Variants in UBR1 observed in about 807,000 individuals in gnomAD.
UBR1 encodes the protein ubiquitin protein ligase E3 component n-recognin 1.
A neutral mutation model predicts 242.1 loss-of-function variants in UBR1; 102 were observed. The ratio of observed to expected loss-of-function variants is 0.42; its 90% CI spans 0.36 to 0.50. The LOEUF (loss-of-function observed/expected upper bound fraction) is 0.50, where lower values mean the gene tolerates loss of function less well. Ranked by LOEUF, UBR1 falls within the 20% of genes least tolerant of loss-of-function variation. The pLI, the probability that UBR1 is intolerant of heterozygous loss-of-function variation, is 0.01. For synonymous variants in UBR1, 675 were observed against 684.8 expected (o/e 0.99, Z 0.22); for missense variants, 1,772 against 2,101.8 (o/e 0.84, Z 3.07).
chr15:43,030,004 A>C lies in UBR1; in HGVS notation c.2319T>G (p.Ile773Met), dbSNP rs2033233542. Residue 773 changes from isoleucine to methionine, a missense_variant, in exon 21 of 47, where the codon ATT becomes ATG. This residue lies in a region of UBR1 where 73 missense variants were observed against 128.9 expected (regional missense o/e 0.57). Coordinates refer to ENST00000290650, the MANE Select transcript of UBR1 (RefSeq NM_174916.3). Reference protein sequence around the residue: ...TKEEVTMREIIHLLCIEPMPH... With the variant: ...TKEEVTMREIMHLLCIEPMPH... ...GCATGGGTTCAATGCAAAGCAAGTG[A>C]ATGATTTCTCTCATTGTGACCTCTT... 1 of 1,614,008 alleles carries C rather than the reference A, an allele frequency of 6.2e-7. No individual in the cohort carries two copies. The highest frequency in any genetic ancestry group is 8.5e-7 in the Non-Finnish European group (1 of 1,179,996).
intron 42 of UBR1, among the ~76,000 whole-genome samples, chr15:42,963,462 GT>G (rs1165097394): frequency 1.3e-5 from 2 of 152,044 alleles, no homozygotes; most frequent in East Asian, 3.8e-4. Flanking sequence ...AGGGTAAAAA[GT>G]TTTTCTGAAA....
intron 20 of UBR1, among the ~76,000 whole-genome samples, chr15:43,031,307 A>G (rs2033254478): frequency 6.6e-6 from 1 of 152,210 alleles, no homozygotes; most frequent in Admixed American, 6.5e-5. Context: ...GTAAAATAAC[A>G]GTAGGAAAAA....
intron 29 of UBR1, among the ~76,000 whole-genome samples, chr15:43,015,174 G>C (rs2033001226): frequency 6.6e-6 from 1 of 152,254 alleles, no homozygotes; most frequent in Non-Finnish European, 1.5e-5. Context: ...GGGCCATGAT[G>C]ATAATGGTGG....
rs771392101 is a variant in UBR1, at chr15:43,003,818, T to A, written c.3509+19A>T. ...ATGTTCCTAGTCTCTTTCAAGAACA[T>A]GTCAGAAGGACAACTTACTTCTGCC... On this transcript the variant is annotated intron_variant, in intron 31 of 46. Transcript: ENST00000290650. 1 of 1,613,150 alleles carries A rather than the reference T, an allele frequency of 6.2e-7. No homozygotes were observed. The highest frequency in any genetic ancestry group is 1.3e-5 in the African/African-American group (1 of 75,044).
At chr15:43,064,124 T>C (rs541711496) in intron 6 of UBR1, among the ~76,000 whole-genome samples, 203 of 152,364 alleles carry the variant, frequency 1.3e-3, no homozygotes, top group African/African-American at 4.8e-3. Context: ...TTCCTCAAAG[T>C]GCTTTAATAA....
At chr15:42,952,129 T>C (rs1203918995) in intron 45 of UBR1, 149 bp downstream of exon 45, 1 of 995,956 alleles carries the variant, frequency 1.0e-6, no homozygotes, top group Non-Finnish European at 1.6e-6. Flanking sequence ...CAGTATCTTC[T>C]CAAATGCAAT....
chr15:42,992,330 T>C (rs2032568748), intron 33 of UBR1, among the ~76,000 whole-genome samples: 1 of 152,234 alleles, frequency 6.6e-6, no homozygotes, highest in Non-Finnish European at 1.5e-5. Context: ...GTATGTCAAG[T>C]AATTCTGGAT....
chr15:43,085,045 C>G (rs2034017841), intron 2 of UBR1, among the ~76,000 whole-genome samples: 1 of 152,174 alleles, frequency 6.6e-6, no homozygotes, highest in Non-Finnish European at 1.5e-5. Context: ...TTTCAGTTTC[C>G]CTGCCGCTGG....
intron 1 of UBR1, among the ~76,000 whole-genome samples, chr15:43,097,482 G>A (rs948286599): frequency 3.9e-4 from 60 of 152,234 alleles, no homozygotes; most frequent in Non-Finnish European, 8.2e-4. Context: ...CTTCTCTCTA[G>A]CTATGAAAGC....
chr15:43,068,846 C>G (rs537368190), intron 5 of UBR1, among the ~76,000 whole-genome samples: 1 of 152,258 alleles, frequency 6.6e-6, no homozygotes, highest in East Asian at 1.9e-4. Context: ...CTCTTGAACT[C>G]CTGACCTCAG....
At chr15:42,956,239 A>G (rs892690446) in intron 44 of UBR1, among the ~76,000 whole-genome samples, 1 of 152,216 alleles carries the variant, frequency 6.6e-6, no homozygotes, top group African/African-American at 2.4e-5. Context: ...TTAAGGAGTG[A>G]TATCATAGAA....
chr15:42,988,943 C>A lies in UBR1; in HGVS notation c.3873G>T (p.Lys1291Asn), dbSNP rs149097306. The A allele has an allele frequency of 1.8e-5, 29 of 1,605,016 alleles. No homozygotes were observed. The highest frequency in any genetic ancestry group is 1.3e-5 in the Non-Finnish European group (15 of 1,171,912). Reference protein sequence around the residue: ...ESSIKYSNSIKEMVILFATTI... With the variant: ...ESSIKYSNSINEMVILFATTI... ...TTGTGGCAAAGAGAATAACCATTTC[C>A]TTGATGCTATTTGAATATTTAATCC... Residue 1291 changes from lysine to asparagine, a missense_variant, in exon 35 of 47, where the codon AAG becomes AAT. Lys to Asn is a moderately conservative substitution (Grantham distance 94). This residue lies in a region of UBR1 where 965 missense variants were observed against 1,079.7 expected (regional missense o/e 0.89). Coordinates refer to ENST00000290650, the MANE Select transcript of UBR1 (RefSeq NM_174916.3).
chr15:43,041,663 C>A (rs988686361), intron 15 of UBR1, among the ~76,000 whole-genome samples: 1 of 151,898 alleles, frequency 6.6e-6, no homozygotes, highest in Non-Finnish European at 1.5e-5. Flanking sequence ...AAAGCACAGG[C>A]AACAAAAGAA....
At chr15:43,010,157 C>A (rs2032898474) in intron 29 of UBR1, among the ~76,000 whole-genome samples, 1 of 152,204 alleles carries the variant, frequency 6.6e-6, no homozygotes, top group African/African-American at 2.4e-5. Flanking sequence ...CAGGCGTAAG[C>A]CACTGCGCCC....
intron 29 of UBR1, 159 bp downstream of exon 29, chr15:43,015,529 T>G: frequency 2.6e-6 from 2 of 777,060 alleles, no homozygotes; most frequent in Non-Finnish European, 4.2e-6. Flanking sequence ...GTCCTCTGCC[T>G]AGGAAAACCA....
At chr15:43,052,205 C>T (rs1035949516) in intron 12 of UBR1, among the ~76,000 whole-genome samples, 2 of 152,044 alleles carry the variant, frequency 1.3e-5, no homozygotes, top group Non-Finnish European at 2.9e-5. Context: ...TAGAGAAGGA[C>T]AATGATTTAG....
rs1285512551 is a variant in UBR1 at position 42,955,920 on chromosome 15, A to G, written c.4835+2093T>C. Among the ~76,000 whole-genome samples, 7 of 152,252 alleles carry G rather than the reference A, an allele frequency of 4.6e-5. No homozygotes were observed. In the East Asian group the frequency reaches 1.3e-3, roughly 29 times the overall value. Reference sequence around the variant, plus strand: ...TAATAGGTAAGTCACACACAATGTTAAAAATGAGTACCTGTATATTGTTAA... The same window carrying G: ...TAATAGGTAAGTCACACACAATGTTGAAAATGAGTACCTGTATATTGTTAA... On this transcript the variant is annotated intron_variant, in intron 44 of 46. Coordinates refer to ENST00000290650, the MANE Select transcript of UBR1 (RefSeq NM_174916.3).
intron 35 of UBR1, 126 bp downstream of exon 35, chr15:42,988,693 G>T: frequency 7.6e-7 from 1 of 1,309,062 alleles, no homozygotes; most frequent in Non-Finnish European, 1.1e-6. Context: ...CTAATACACT[G>T]AAATACTAAT....
intron 32 of UBR1, among the ~76,000 whole-genome samples, chr15:43,000,197 A>G (rs2032701835): frequency 6.6e-6 from 1 of 152,204 alleles, no homozygotes; most frequent in Non-Finnish European, 1.5e-5. Context: ...CTATATGGGT[A>G]AGTCGAAGTA....
Sources: allele counts gnomAD v4.1 joint callset (sites outside exome capture counted in the v4.1 genomes callset), GRCh38; gene constraint gnomAD v4.1.1; regional missense constraint gnomAD v4.1.1; transcripts MANE v1.5; gene names NCBI Gene and HGNC (gene_info 2026-07-23, HGNC 2026-07-21).